PRR33: variants seen among roughly 807,000 people sequenced by gnomAD.
PRR33 encodes the protein proline rich 33, also known as proline-rich protein 33.
Under a neutral mutation model 0.5 loss-of-function variants are expected in PRR33, and 1 was observed. The ratio of observed to expected loss-of-function variants is 2.18; its 90% CI spans 0.77 to 10.34. The LOEUF is 10.34. Ranked by LOEUF, PRR33 falls within the 30% of genes most tolerant of loss-of-function variation. The pLI, the probability that PRR33 is intolerant of heterozygous loss-of-function variation, is 0.13. For missense variants in PRR33, 552 were observed against 251.8 expected (o/e 2.19, Z -8.07); for synonymous variants, 226 against 110.0 (o/e 2.06, Z -6.60).
the PRR33 span, among the ~76,000 whole-genome samples, chr11:1,903,825 A>G: frequency 2.0e-5 from 3 of 152,178 alleles, no homozygotes; most frequent in African/African-American, 7.2e-5. Flanking sequence ...AAAAGAAACC[A>G]AGAGAGTAGA....
upstream of PRR33, among the ~76,000 whole-genome samples, chr11:1,896,024 CTGTG>C (rs1350328565): frequency 1.3e-5 from 2 of 152,200 alleles, no homozygotes; most frequent in Non-Finnish European, 2.9e-5. Flanking sequence ...AGTCATCAGT[CTGTG>C]TGTGTAAGCT....
chr11:1,894,474 G>A (rs1400355231), upstream of PRR33, among the ~76,000 whole-genome samples: 1 of 152,014 alleles, frequency 6.6e-6, no homozygotes, highest in Non-Finnish European at 1.5e-5. Flanking sequence ...GGGCTCAAGC[G>A]ACCCCCCCTG....
chr11:1,909,944 T>C, the PRR33 span, among the ~76,000 whole-genome samples: 1 of 152,236 alleles, frequency 6.6e-6, no homozygotes, highest in African/African-American at 2.4e-5. Context: ...TATTTTAAAA[T>C]ATAAAACTAT....
exon 1 of PRR33, chr11:1,890,339 G>T (rs771070839): frequency 1.4e-6 from 1 of 715,070 alleles, no homozygotes; most frequent in Non-Finnish European, 2.6e-6. Context: ...CCTCAGCAGC[G>T]TGCGGGGCTG....
At chr11:1,909,151 C>T in the PRR33 span, among the ~76,000 whole-genome samples, 3 of 150,576 alleles carry the variant, frequency 2.0e-5, no homozygotes, top group Non-Finnish European at 4.4e-5. Context: ...TTGGGAGGCT[C>T]GAGTCCAGGA....
chr11:1,910,791 A>G, the PRR33 span, among the ~76,000 whole-genome samples: 6 of 152,190 alleles, frequency 3.9e-5, no homozygotes, highest in Non-Finnish European at 5.9e-5. Flanking sequence ...ACTGATGTTT[A>G]TATTTTGTTC....
At chr11:1,904,523 T>C in the PRR33 span, among the ~76,000 whole-genome samples, 1 of 150,550 alleles carries the variant, frequency 6.6e-6, no homozygotes, top group Non-Finnish European at 1.5e-5. Context: ...AGCAAGACTC[T>C]ATCTCAAAAA....
At chr11:1,889,774 C>A in exon 1 of PRR33, 2 of 649,012 alleles carry the variant, frequency 3.1e-6, no homozygotes, top group Non-Finnish European at 5.7e-6. Context: ...CAGGTCGGGG[C>A]TATGGGCACC....
exon 1 of PRR33, chr11:1,890,627 T>C (rs775590557): frequency 2.9e-6 from 2 of 681,296 alleles, no homozygotes; most frequent in South Asian, 1.5e-5. Context: ...AGGCCAGCCC[T>C]CCTCCCTCCT....
At chr11:1,914,964 G>A in the PRR33 span, among the ~76,000 whole-genome samples, 1 of 146,926 alleles carries the variant, frequency 6.8e-6, no homozygotes, top group East Asian at 2.1e-4. Flanking sequence ...GATGATGTTT[G>A]TGTATGTGTG....
the PRR33 span, among the ~76,000 whole-genome samples, chr11:1,904,300 G>A: frequency 6.6e-6 from 1 of 152,128 alleles, no homozygotes; most frequent in African/African-American, 2.4e-5. Context: ...AGGCCGAGGC[G>A]GGTGGATTGC....
the PRR33 span, among the ~76,000 whole-genome samples, chr11:1,909,227 G>A: frequency 6.6e-6 from 1 of 151,968 alleles, no homozygotes. Context: ...GCCTGGGTAC[G>A]GCGGCTCACA....
chr11:1,888,329 C>G (rs1274799202), exon 1 of PRR33, among the ~76,000 whole-genome samples: 1 of 152,228 alleles, frequency 6.6e-6, no homozygotes, highest in Non-Finnish European at 1.5e-5. Context: ...AGCCCCTTCT[C>G]TGTCCCGCTT....
At chr11:1,904,207 C>T in the PRR33 span, among the ~76,000 whole-genome samples, 5 of 152,194 alleles carry the variant, frequency 3.3e-5, no homozygotes, top group Non-Finnish European at 5.9e-5. Context: ...AGCTCTACGC[C>T]AGATCCACTT....
At chr11:1,910,694 A>G in the PRR33 span, among the ~76,000 whole-genome samples, 1 of 152,202 alleles carries the variant, frequency 6.6e-6, no homozygotes. Context: ...CGATCCCATC[A>G]ATGGTTGCAA....
At chr11:1,894,477 C>G (rs182918680), upstream of PRR33, among the ~76,000 whole-genome samples, 25 of 151,702 alleles carry the variant, frequency 1.6e-4, 1 homozygote, top group Admixed American at 8.5e-4. Flanking sequence ...CTCAAGCGAC[C>G]CCCCCTGCCT....
upstream of PRR33, among the ~76,000 whole-genome samples, chr11:1,893,314 T>C (rs759626453): frequency 6.7e-6 from 1 of 149,386 alleles, no homozygotes; most frequent in Non-Finnish European, 1.5e-5. Flanking sequence ...GATGGATGAA[T>C]GGATAGAGGG....
At chr11:1,916,487 C>A in the PRR33 span, among the ~76,000 whole-genome samples, 1 of 109,788 alleles carries the variant, frequency 9.1e-6, no homozygotes, top group Non-Finnish European at 1.8e-5. Flanking sequence ...AGCTGGGGAA[C>A]CACCCAGTGA....
chr11:1,914,724 CTG>C, the PRR33 span, among the ~76,000 whole-genome samples: 1 of 128,452 alleles, frequency 7.8e-6, no homozygotes, highest in Non-Finnish European at 1.6e-5. Context: ...TGATGTTGCT[CTG>C]TGTGTGTGTT....
Sources: allele counts gnomAD v4.1 joint callset (sites outside exome capture counted in the v4.1 genomes callset), GRCh38; gene constraint gnomAD v4.1.1; transcripts MANE v1.5; gene names NCBI Gene and HGNC (gene_info 2026-07-23, HGNC 2026-07-21).